The following WDR49 variants were observed in gnomAD, a reference collection of about 807,000 sequenced individuals.
WDR49 encodes the protein WD repeat domain 49.
In WDR49, 107 loss-of-function variants were observed where a neutral mutation model predicts 119.5. The ratio of observed to expected loss-of-function variants is 0.90; its 90% confidence interval spans 0.77 to 1.05. WDR49 has a LOEUF of 1.05. WDR49 is among the 50% of genes least tolerant of loss of function. The pLI is 0.00. For missense variants in WDR49, 1,240 were observed against 1,220.5 expected, an observed-to-expected ratio of 1.02 and a Z score of -0.24; for synonymous variants, 425 against 418.8, an observed-to-expected ratio of 1.01 and a Z score of -0.18.
chr3:167,575,780 A>G, intron 8 of WDR49, 138 bp downstream of exon 8: 1 of 819,644 alleles, frequency 1.2e-6, no homozygotes, highest in Non-Finnish European at 1.9e-6. Context: ...GCAGAAAAGC[A>G]CATGGCTATT....
At chr3:167,580,320 A>G (rs1328637760) in intron 7 of WDR49, among the ~76,000 whole-genome samples, 1 of 151,810 alleles carries the variant, frequency 6.6e-6, no homozygotes, top group Non-Finnish European at 1.5e-5. Context: ...GTACAGCCAT[A>G]AAAGCATAAA....
intron 10 of WDR49, among the ~76,000 whole-genome samples, chr3:167,544,795 C>G (rs1712069066): frequency 6.6e-6 from 1 of 152,014 alleles, no homozygotes; most frequent in East Asian, 1.9e-4. Context: ...GAGTTCATGA[C>G]CAAGAACCCA....
chr3:167,545,502 TTATATATTA>T (rs1381005496), intron 10 of WDR49, among the ~76,000 whole-genome samples: 2 of 98,632 alleles, frequency 2.0e-5, no homozygotes, highest in Non-Finnish European at 4.7e-5. Flanking sequence ...ATATTATATA[TTATATATTA>T]TATATATATA....
At chr3:167,580,061 A>G (rs1289037073) in intron 7 of WDR49, among the ~76,000 whole-genome samples, 1 of 152,192 alleles carries the variant, frequency 6.6e-6, no homozygotes, top group African/African-American at 2.4e-5. Flanking sequence ...CACATAAATT[A>G]TATGATAAAT....
At chr3:167,522,721 T>A (rs1320356296) in intron 15 of WDR49, among the ~76,000 whole-genome samples, 1 of 152,160 alleles carries the variant, frequency 6.6e-6, no homozygotes, top group Admixed American at 6.6e-5. Context: ...ACAAAAATTC[T>A]CTGAAGAGAT....
Position 167,627,044 on chromosome 3 carries a change from T to G in WDR49, c.414A>C (p.Lys138Asn). Reference sequence around the variant, plus strand: ...TTACTTTTTGAATGGTGTCCTTGTGTTTTACTGGGAGGAATTCAAGGTCCT... The same window carrying G: ...TTACTTTTTGAATGGTGTCCTTGTGGTTTACTGGGAGGAATTCAAGGTCCT... ...QWKDLEFLPV[K>N]HKDTIQKVIF... The change falls in exon 3 of 19, where the codon AAA (lysine) becomes AAC (asparagine). Residue 138 changes from lysine to asparagine, a missense_variant. Lys to Asn is a moderately conservative substitution (Grantham distance 94). Coordinates refer to ENST00000682715, the MANE Select transcript of WDR49 (RefSeq NM_001366157.1). 1 of 1,318,746 alleles carries G rather than the reference T, an allele frequency of 7.6e-7. No homozygotes were observed. Among genetic ancestry groups the G allele is most frequent in the Non-Finnish European group, 9.7e-7 (1 of 1,035,292 alleles). 81.7% of individuals were successfully genotyped at this position (1,318,746 alleles called of 1,614,324 possible). A position where few individuals can be genotyped will look rare whatever the true frequency, so the allele number is the denominator to read the frequency against.
At chr3:167,606,451 T>C (rs1476948177) in intron 5 of WDR49, among the ~76,000 whole-genome samples, 1 of 152,204 alleles carries the variant, frequency 6.6e-6, no homozygotes, top group Non-Finnish European at 1.5e-5. Context: ...AAATTTCTAT[T>C]GCTAATGATG....
At chr3:167,594,396 A>T (rs533895773) in intron 7 of WDR49, among the ~76,000 whole-genome samples, 1 of 152,270 alleles carries the variant, frequency 6.6e-6, no homozygotes, top group East Asian at 1.9e-4. Flanking sequence ...TACCAAAGAC[A>T]CTGGTGGCAT....
At chr3:167,567,945 T>C (rs1436483298) in intron 8 of WDR49, among the ~76,000 whole-genome samples, 3 of 152,246 alleles carry the variant, frequency 2.0e-5, no homozygotes, top group Non-Finnish European at 4.4e-5. Flanking sequence ...CTGATGTTTG[T>C]CTTTTCCATT....
At chr3:167,550,778 TGAGAGAGAGA>T (rs757566403) in intron 10 of WDR49, among the ~76,000 whole-genome samples, 12 of 144,016 alleles carry the variant, frequency 8.3e-5, no homozygotes, top group African/African-American at 2.8e-4. Flanking sequence ...TTTTTTTTTT[TGAGAGAGAGA>T]GAGAGAGAGA....
intron 9 of WDR49, among the ~76,000 whole-genome samples, chr3:167,559,532 T>A (rs1713136384): frequency 6.6e-6 from 1 of 152,208 alleles, no homozygotes; most frequent in Non-Finnish European, 1.5e-5. Flanking sequence ...AAATATAAAA[T>A]CATGTAAGTT....
intron 2 of WDR49, among the ~76,000 whole-genome samples, chr3:167,642,344 A>C (rs1717919172): frequency 6.6e-6 from 1 of 151,980 alleles, no homozygotes; most frequent in African/African-American, 2.4e-5. Flanking sequence ...TTTTTAGAGT[A>C]GTGTTAATAT....
At chr3:167,525,850 C>T (rs1752609554) in intron 15 of WDR49, among the ~76,000 whole-genome samples, 1 of 69,422 alleles carries the variant, frequency 1.4e-5, no homozygotes, top group Admixed American at 2.1e-4. Flanking sequence ...GTTAAACAAA[C>T]AAACAAACAA....
chr3:167,557,848 G>A (rs1713030395), intron 9 of WDR49, among the ~76,000 whole-genome samples: 1 of 151,958 alleles, frequency 6.6e-6, no homozygotes, highest in Admixed American at 6.6e-5. Context: ...TTCATAGTGA[G>A]CATGGAATAA....
intron 6 of WDR49, 51 bp downstream of exon 6, chr3:167,604,250 T>G (rs754597595): frequency 6.3e-7 from 1 of 1,596,796 alleles, no homozygotes; most frequent in Admixed American, 1.7e-5. Context: ...CAAATATACA[T>G]CCCAGACTAT....
chr3:167,478,739 A>C lies in WDR49; in HGVS notation c.*139T>G, dbSNP rs2108182499. 1 of 501,776 alleles carries C rather than the reference A, an allele frequency of 2.0e-6. No individual in the cohort carries two copies. The highest frequency in any genetic ancestry group is 3.4e-5 in the East Asian group (1 of 29,164). 31.1% of individuals were successfully genotyped at this position (501,776 alleles called of 1,614,324 possible). On this transcript the variant is annotated 3_prime_UTR_variant, in exon 19 of 19. Coordinates refer to ENST00000682715, the MANE Select transcript of WDR49 (RefSeq NM_001366157.1). Reference sequence around the variant, plus strand: ...CAGAGAAATTGACAGATGATAGATAAAAGCAGTACTAAATTATCCCATGAA... The same window carrying C: ...CAGAGAAATTGACAGATGATAGATACAAGCAGTACTAAATTATCCCATGAA...
chr3:167,642,615 C>T (rs1341940132), intron 2 of WDR49, among the ~76,000 whole-genome samples: 1 of 151,814 alleles, frequency 6.6e-6, no homozygotes, highest in Non-Finnish European at 1.5e-5. Flanking sequence ...GCTATGTCAA[C>T]TGAAAGTACC....
chr3:167,616,808 G>A (rs1438311982), intron 5 of WDR49, among the ~76,000 whole-genome samples: 1 of 151,956 alleles, frequency 6.6e-6, no homozygotes, highest in Non-Finnish European at 1.5e-5. Flanking sequence ...ATAATCAAAT[G>A]GCTTAAAATC....
At chr3:167,527,413 GTTTT>G (rs140992653) in intron 15 of WDR49, among the ~76,000 whole-genome samples, 1 of 150,854 alleles carries the variant, frequency 6.6e-6, no homozygotes, top group African/African-American at 2.4e-5. Context: ...AGGATGATTG[GTTTT>G]TTTTTCTAAA....
Sources: allele counts gnomAD v4.1 joint callset (sites outside exome capture counted in the v4.1 genomes callset), GRCh38; gene constraint gnomAD v4.1.1; transcripts MANE v1.5; gene names NCBI Gene and HGNC (gene_info 2026-07-23, HGNC 2026-07-21).